Variants in GBF1 observed in about 807,000 individuals in gnomAD.
GBF1 encodes the protein golgi brefeldin A resistant guanine nucleotide exchange factor 1, also known as Golgi-specific brefeldin A-resistance guanine nucleotide exchange factor 1.
Under a neutral mutation model 210.5 loss-of-function variants are expected in GBF1, and 114 were observed. The ratio of observed to expected loss-of-function variants is 0.54; its 90% confidence interval spans 0.47 to 0.63. GBF1 has a LOEUF of 0.63. Among genes scored for constraint, GBF1 ranks in the 30% least tolerant of loss-of-function variants. The pLI is 0.00. For synonymous variants in GBF1, 850 were observed against 889.2 expected (o/e 0.96, Z 0.78); for missense variants, 1,851 against 2,357.7 (o/e 0.79, Z 4.45).
Position 102,363,823 on chromosome 10 carries a change from C to G in GBF1, c.2106+25C>G. On this transcript the variant is annotated intron_variant, in intron 17 of 39. Transcript: ENST00000369983. The surrounding 1 kb of genome is among the most constrained non-coding windows in gnomAD (Gnocchi z 4.2). ...GGTACATACATGTATTCCCCAGCCT[C>G]TGTCCACCTCTGTCTGGGTGTCCAG... 1.5e-6 allele frequency: 2 copies of G among 1,295,404 alleles called. No homozygotes were observed. Among genetic ancestry groups the G allele is most frequent in the Non-Finnish European group, 1.1e-6 (1 of 889,922 alleles). The allele number at this position is 1,295,404 out of a possible 1,614,324, so 80.2% of individuals were successfully genotyped here. A position where few individuals can be genotyped will look rare whatever the true frequency, so the allele number is the denominator to read the frequency against.
In GBF1 at chr10:102,344,601, C is replaced by T. The variant is rs374556420; in HGVS notation, c.295+419C>T. Among the ~76,000 whole-genome samples the T allele has an allele frequency of 1.1e-4, 16 of 152,172 alleles. No individual in the cohort carries two copies. In the East Asian group the frequency reaches 3.1e-3, roughly 30 times the overall value. The stretch of plus-strand genomic sequence containing the variant: ...GTTCATGCCAGTCTCCTGCCTCAGC[C>T]TCCCGAGGAGCTGGGACTACAGGCG... On this transcript the variant is annotated intron_variant, in intron 4 of 39. Transcript: ENST00000369983.
intron 3 of GBF1, among the ~76,000 whole-genome samples, chr10:102,340,438 TA>T (rs1425617854): frequency 6.7e-6 from 1 of 150,372 alleles, no homozygotes; most frequent in Non-Finnish European, 1.5e-5. Context: ...CACGCCTGGC[TA>T]ATTTTTTGTA....
intron 3 of GBF1, among the ~76,000 whole-genome samples, chr10:102,310,049 A>G (rs1188727908): frequency 6.6e-6 from 1 of 152,222 alleles, no homozygotes; most frequent in African/African-American, 2.4e-5. Flanking sequence ...ACTGGGTATT[A>G]TGGAACTGGA....
In GBF1 at chr10:102,365,613, A is replaced by T. The variant is rs772435373; in HGVS notation, c.2309+14A>T. ...GAGCTTTGTGAGGTGAGGAAGCTGT[A>T]AGAAATGTGGGATATAGCCAGGTAT... On this transcript the variant is annotated intron_variant, in intron 18 of 39. Transcript: ENST00000369983. 1 of 1,610,306 alleles carries T rather than the reference A, an allele frequency of 6.2e-7. No homozygotes were observed. The highest frequency in any genetic ancestry group is 1.7e-5 in the Admixed American group (1 of 59,988).
chr10:102,339,548 TC>T lies in GBF1; in HGVS notation c.164-4500del, dbSNP rs977736173. ...TGGGCGTGGTGGCACGTTCCTGTAG[TC>T]CCAGCTACTCAGGAGGCTGAGGCAG... is the stretch of plus-strand genomic sequence containing the variant. On this transcript the variant is annotated intron_variant, in intron 3 of 39. Transcript: ENST00000369983. Among the ~76,000 whole-genome samples the T allele has an allele frequency of 4.1e-4, 61 of 148,378 alleles. 1 individual carries two copies. Among genetic ancestry groups the T allele is most frequent in the Non-Finnish European group, 8.1e-4 (55 of 67,542 alleles).
Position 102,293,102 on chromosome 10 carries a change from G to T in GBF1, c.163+32986G>T, listed in dbSNP as rs78814777. Among the ~76,000 whole-genome samples the T allele has an allele frequency of 4.1e-3, 622 of 152,068 alleles. 4 individuals carry two copies. The highest frequency in any genetic ancestry group is 6.7e-3 in the Non-Finnish European group (453 of 68,012). On this transcript the variant is annotated intron_variant, in intron 3 of 39. Coordinates refer to ENST00000369983, the MANE Select transcript of GBF1 (RefSeq NM_001377137.1). ...AAAATTTTAATCATTAAAATATACT[G>T]CAGTGTCTCTATATTAATTTATCTG...
chr10:102,307,430 TCAC>T (rs1378860540), intron 3 of GBF1, among the ~76,000 whole-genome samples: 3 of 127,278 alleles, frequency 2.4e-5, no homozygotes, highest in African/African-American at 9.2e-5. Context: ...TGTTCACAAA[TCAC>T]CAACCTTGGC....
At chr10:102,299,646 G>A (rs997876865) in intron 3 of GBF1, among the ~76,000 whole-genome samples, 7 of 152,144 alleles carry the variant, frequency 4.6e-5, no homozygotes, top group Non-Finnish European at 1.0e-4. Flanking sequence ...GCAGGGCATG[G>A]TGGCACATGC....
rs939250736 is a variant in GBF1 at position 102,366,582 on chromosome 10, C to G, written c.2433+76C>G. ...GAGGGCTGAAGAATCCAGCTGCTGT[C>G]TCTTTTTTTTTTTTTTTTTTTTGAG... On this transcript the variant is annotated intron_variant, in intron 19 of 39. Transcript: ENST00000369983. This position sits in a 1 kb window ranked among gnomAD's most constrained non-coding sequence, Gnocchi z 4.0. The G allele has an allele frequency of 8.3e-6, 7 of 847,732 alleles. No individual in the cohort carries two copies. Among genetic ancestry groups the G allele is most frequent in the Non-Finnish European group, 1.2e-5 (7 of 577,930 alleles). 52.5% of individuals were successfully genotyped at this position (847,732 alleles called of 1,614,324 possible).
chr10:102,295,002 GCAGACAC>G (rs1467700572), intron 3 of GBF1, among the ~76,000 whole-genome samples: 1 of 152,216 alleles, frequency 6.6e-6, no homozygotes, highest in Admixed American at 6.5e-5. Context: ...ATGTGGAATA[GCAGACAC>G]CAATATATCC....
chr10:102,232,306 C>A, the GBF1 span, among the ~76,000 whole-genome samples: 1 of 152,180 alleles, frequency 6.6e-6, no homozygotes, highest in Non-Finnish European at 1.5e-5. Context: ...GATATATAAA[C>A]TAGACTTCGT....
intron 33 of GBF1, among the ~76,000 whole-genome samples, chr10:102,377,958 G>A (rs1410886724): frequency 6.6e-6 from 1 of 152,098 alleles, no homozygotes; most frequent in Non-Finnish European, 1.5e-5. Context: ...GGTGGCTCCT[G>A]CCTGTAATCC....
chr10:102,368,522 CCT>C, intron 22 of GBF1, 68 bp downstream of exon 22: 1 of 969,662 alleles, frequency 1.0e-6, no homozygotes, highest in East Asian at 2.4e-5. Flanking sequence ...TTTCTCCATG[CCT>C]CTCTGACTCC....
At chr10:102,268,626 T>C (rs929468200) in intron 3 of GBF1, among the ~76,000 whole-genome samples, 1 of 152,160 alleles carries the variant, frequency 6.6e-6, no homozygotes. Context: ...AGTCCCTTCC[T>C]GCTTTTCCAC....
Position 102,359,438 on chromosome 10 carries a change from G to A in GBF1, c.1180+3G>A, listed in dbSNP as rs754359120. The A allele has an allele frequency of 3.7e-6, 6 of 1,608,674 alleles. No homozygotes were observed. The highest frequency in any genetic ancestry group is 5.1e-6 in the Non-Finnish European group (6 of 1,175,250). On this transcript the variant is annotated splice_donor_region_variant and intron_variant, in intron 11 of 39. Transcript: ENST00000369983. ...TACACAGTCCTCCCAGAAAGAAGGTGGGTATTCTGGTAGGCTCTGCCAATT... is the reference window on the plus strand; with the variant it reads ...TACACAGTCCTCCCAGAAAGAAGGTAGGTATTCTGGTAGGCTCTGCCAATT...
intron 4 of GBF1, among the ~76,000 whole-genome samples, chr10:102,345,427 C>T (rs1344008429): frequency 1.3e-5 from 2 of 148,794 alleles, no homozygotes; most frequent in East Asian, 2.0e-4. Flanking sequence ...CCGAGGCGGA[C>T]GGATCATGAG....
chr10:102,259,030 C>G lies in GBF1; in HGVS notation c.92C>G (p.Pro31Arg). The G allele has an allele frequency of 6.5e-7, 1 of 1,528,972 alleles. No homozygotes were observed. Among genetic ancestry groups the G allele is most frequent in the Non-Finnish European group, 9.1e-7 (1 of 1,102,486 alleles). The allele number at this position is 1,528,972 out of a possible 1,614,324, so 94.7% of individuals were successfully genotyped here. A position where few individuals can be genotyped will look rare whatever the true frequency, so the allele number is the denominator to read the frequency against. The stretch of plus-strand genomic sequence containing the variant: ...AATGCCCGATGGAGCACCCATACAC[C>G]ACTGGTAAGTGGGAAATGGATAAAT... ...KRNARWSTHT[P>R]LDEERDPLLH... is the part of the protein sequence containing the mutation. The change falls in exon 2 of 40, where the codon CCA (proline) becomes CGA (arginine). Residue 31 changes from proline to arginine, a missense_variant. Physicochemically the swap from Pro to Arg is moderately radical, Grantham distance 103. This residue lies in a region of GBF1 where 804 missense variants were observed against 958.6 expected (regional missense o/e 0.84). Transcript: ENST00000369983.
intron 3 of GBF1, among the ~76,000 whole-genome samples, chr10:102,318,203 T>C (rs2056016358): frequency 6.6e-6 from 1 of 151,496 alleles, no homozygotes; most frequent in South Asian, 2.1e-4. Context: ...AGTCTATTTA[T>C]TTATTTTAAG....
In GBF1 at chr10:102,266,188, G is replaced by A. The variant is rs917976985; in HGVS notation, c.163+6072G>A. Among the ~76,000 whole-genome samples the A allele has an allele frequency of 7.9e-5, 12 of 151,876 alleles. 1 individual carries two copies. Among genetic ancestry groups the A allele is most frequent in the Admixed American group, 5.9e-4 (9 of 15,244 alleles). On this transcript the variant is annotated intron_variant, in intron 3 of 39. Coordinates refer to ENST00000369983, the MANE Select transcript of GBF1 (RefSeq NM_001377137.1). Reference sequence around the variant, plus strand: ...TGGGAGGCGCAGCTTGCAGTGAGCCGAGATCGTGCCACTGCACTCCAGCCT... The same window carrying A: ...TGGGAGGCGCAGCTTGCAGTGAGCCAAGATCGTGCCACTGCACTCCAGCCT...
Sources: gnomAD v4.1 joint callset for allele counts (sites outside exome capture counted in the v4.1 genomes callset) on GRCh38, gnomAD v4.1.1 for gene constraint, gnomAD v4.1.1 regional missense constraint, Gnocchi (gnomAD v3.1) non-coding constraint, MANE v1.5 for transcripts, NCBI Gene and HGNC (gene_info 2026-07-23, HGNC 2026-07-21) for gene names.